The following ULK4 variants were observed in gnomAD, a reference collection of about 807,000 sequenced individuals.
ULK4 encodes unc-51 like kinase 4, also known as inactive serine/threonine-protein kinase ULK4.
ULK4 carries 133 observed loss-of-function variants against 160.6 expected under a neutral mutation model. That is an observed-to-expected ratio of 0.83 (90% CI 0.72 to 0.96). The LOEUF is 0.96. Among genes scored for constraint, ULK4 ranks in the 40% least tolerant of loss-of-function variants. The pLI is 0.00. For missense variants in ULK4, 1,580 were observed against 1,499.5 expected, an observed-to-expected ratio of 1.05 and a Z score of -0.89; for synonymous variants, 534 against 539.8, an observed-to-expected ratio of 0.99 and a Z score of 0.15.
chr3:41,427,975 C>A (rs1575545927), intron 34 of ULK4, among the ~76,000 whole-genome samples: 1 of 152,134 alleles, frequency 6.6e-6, no homozygotes, highest in African/African-American at 2.4e-5. Context: ...GATAGGAAGT[C>A]AAACTGTCTC....
intron 35 of ULK4, among the ~76,000 whole-genome samples, chr3:41,279,320 C>T (rs1243003693): frequency 1.4e-5 from 2 of 142,964 alleles, no homozygotes; most frequent in African/African-American, 5.3e-5. Context: ...TGTGAAAAGA[C>T]CAAATCTACG....
chr3:41,901,813 A>G (rs960538786), intron 12 of ULK4, among the ~76,000 whole-genome samples: 3 of 152,118 alleles, frequency 2.0e-5, no homozygotes, highest in Non-Finnish European at 4.4e-5. Flanking sequence ...AATGTTAATC[A>G]ATTTATTTCT....
At chr3:41,448,473 T>C (rs2083354241) in intron 34 of ULK4, among the ~76,000 whole-genome samples, 1 of 152,078 alleles carries the variant, frequency 6.6e-6, no homozygotes, top group Admixed American at 6.6e-5. Flanking sequence ...TAAGAAAGGG[T>C]CCAATTATCT....
intron 32 of ULK4, among the ~76,000 whole-genome samples, chr3:41,497,994 A>G (rs1429785287): frequency 6.6e-6 from 1 of 152,226 alleles, no homozygotes; most frequent in African/African-American, 2.4e-5. Context: ...GAAACATTGA[A>G]AAAAGAGCAT....
At chr3:41,850,003 T>A (rs1358590138) in intron 17 of ULK4, among the ~76,000 whole-genome samples, 1 of 152,206 alleles carries the variant, frequency 6.6e-6, no homozygotes, top group East Asian at 1.9e-4. Flanking sequence ...GATGTTCCCC[T>A]TCCTGTGCCC....
chr3:41,910,284 C>T (rs1698733488), intron 11 of ULK4, among the ~76,000 whole-genome samples: 1 of 152,142 alleles, frequency 6.6e-6, no homozygotes, highest in African/African-American at 2.4e-5. Context: ...AAACATTATT[C>T]AAGCCTCACA....
chr3:41,652,063 C>T (rs989205396), intron 30 of ULK4, among the ~76,000 whole-genome samples: 1 of 152,064 alleles, frequency 6.6e-6, no homozygotes, highest in Non-Finnish European at 1.5e-5. Flanking sequence ...TTAAGTTGTC[C>T]CTGACAGCAG....
intron 27 of ULK4, among the ~76,000 whole-genome samples, chr3:41,684,389 C>T (rs1246531535): frequency 6.6e-6 from 1 of 152,188 alleles, no homozygotes; most frequent in African/African-American, 2.4e-5. Flanking sequence ...TGCTGCAGGT[C>T]CTTGAAACAA....
At chr3:41,796,984 C>A (rs112005575) in intron 20 of ULK4, among the ~76,000 whole-genome samples, 3 of 152,262 alleles carry the variant, frequency 2.0e-5, no homozygotes, top group African/African-American at 7.2e-5. Context: ...CTCGCCAAAT[C>A]TGGGATGATT....
chr3:41,284,647 A>C (rs1330524004), intron 35 of ULK4, among the ~76,000 whole-genome samples: 1 of 152,226 alleles, frequency 6.6e-6, no homozygotes, highest in African/African-American at 2.4e-5. Context: ...AAATTCTAGA[A>C]GATAACATTA....
chr3:41,911,783 C>A (rs1409398965), intron 9 of ULK4, 124 bp from the exon 10 acceptor site: 3 of 729,736 alleles, frequency 4.1e-6, no homozygotes, highest in Non-Finnish European at 6.9e-6. Context: ...GTTACAGAAT[C>A]TCTTAACTTT....
intron 12 of ULK4, among the ~76,000 whole-genome samples, chr3:41,902,460 C>T (rs911362545): frequency 2.0e-5 from 3 of 151,856 alleles, no homozygotes; most frequent in African/African-American, 7.3e-5. Context: ...CGCCTGTAAT[C>T]CCAGCTACTT....
chr3:41,535,848 T>C (rs1003846311), intron 32 of ULK4, among the ~76,000 whole-genome samples: 1 of 152,196 alleles, frequency 6.6e-6, no homozygotes, highest in Non-Finnish European at 1.5e-5. Flanking sequence ...GGGGCCAGGA[T>C]AGAGTTTCTG....
chr3:41,727,652 C>T (rs2037695799), intron 22 of ULK4, among the ~76,000 whole-genome samples: 2 of 152,148 alleles, frequency 1.3e-5, no homozygotes, highest in Non-Finnish European at 1.5e-5. Context: ...AACCAGGCTC[C>T]AAACCATGTA....
chr3:41,396,436 C>G lies in ULK4; in HGVS notation c.3678+1643G>C, dbSNP rs146904695. Reference sequence around the variant, plus strand: ...CAATATTTTCCAAGCTTCTGACATTCTCTACCATATTCACAGTTTTGCCAT... The same window carrying G: ...CAATATTTTCCAAGCTTCTGACATTGTCTACCATATTCACAGTTTTGCCAT... On this transcript the variant is annotated intron_variant, in intron 35 of 36. Coordinates refer to ENST00000301831, the MANE Select transcript of ULK4 (RefSeq NM_017886.4). Among the ~76,000 whole-genome samples the G allele has an allele frequency of 3.7e-3, 568 of 152,210 alleles. 2 individuals are homozygous for G. Among genetic ancestry groups the G allele is most frequent in the Non-Finnish European group, 6.4e-3 (437 of 67,988 alleles).
intron 17 of ULK4, among the ~76,000 whole-genome samples, chr3:41,851,572 CAGG>C (rs1465672066): frequency 1.3e-5 from 2 of 152,118 alleles, no homozygotes; most frequent in Admixed American, 6.5e-5. Context: ...GCTTTGGTAT[CAGG>C]ATGATGCTGG....
At chr3:41,701,172 C>T (rs1416021571) in intron 27 of ULK4, among the ~76,000 whole-genome samples, 1 of 152,082 alleles carries the variant, frequency 6.6e-6, no homozygotes, top group East Asian at 1.9e-4. Context: ...GAGATAATGG[C>T]AGAAAGTTTT....
At chr3:41,864,243 G>A (rs1049102527) in intron 17 of ULK4, among the ~76,000 whole-genome samples, 1 of 152,092 alleles carries the variant, frequency 6.6e-6, no homozygotes, top group African/African-American at 2.4e-5. Flanking sequence ...TGAGTTCAGT[G>A]CCTCACAATT....
chr3:41,552,307 G>T (rs1474859763), intron 32 of ULK4, among the ~76,000 whole-genome samples: 1 of 152,024 alleles, frequency 6.6e-6, no homozygotes, highest in Non-Finnish European at 1.5e-5. Context: ...AACAGGAAAA[G>T]AGGAAGTCGA....
Sources: allele counts gnomAD v4.1 joint callset (sites outside exome capture counted in the v4.1 genomes callset), GRCh38; gene constraint gnomAD v4.1.1; transcripts MANE v1.5; gene names NCBI Gene and HGNC (gene_info 2026-07-23, HGNC 2026-07-21).